The following WWC2 variants were observed in gnomAD, a reference collection of about 807,000 sequenced individuals.
The protein encoded by WWC2 is protein WWC2.
Under a neutral mutation model 138.5 loss-of-function variants are expected in WWC2, and 101 were observed. The ratio of observed to expected loss-of-function variants is 0.73; its 90% CI spans 0.62 to 0.86. The LOEUF is 0.86. Ranked by LOEUF, WWC2 falls within the 40% of genes least tolerant of loss-of-function variation. WWC2 has a pLI of 0.00. For synonymous variants in WWC2, 558 were observed against 538.4 expected (o/e 1.04, Z -0.50); for missense variants, 1,420 against 1,419.4 (o/e 1.00, Z -0.01).
chr4:183,259,622 A>T lies in WWC2; in HGVS notation c.1197-17A>T. ...ATTTTGTTATAATCATTTGAAAATAATTTTTTTTCTTCCTAGATTGAGATT... is the reference window on the plus strand; with the variant it reads ...ATTTTGTTATAATCATTTGAAAATATTTTTTTTTCTTCCTAGATTGAGATT... On this transcript the variant is annotated splice_polypyrimidine_tract_variant and intron_variant, in intron 9 of 22. Transcript: ENST00000403733. 2 of 1,483,572 alleles carry T rather than the reference A, an allele frequency of 1.3e-6. No individual in the cohort carries two copies. The highest frequency in any genetic ancestry group is 1.8e-6 in the Non-Finnish European group (2 of 1,104,934). 91.9% of individuals were successfully genotyped at this position (1,483,572 alleles called of 1,614,324 possible).
At chr4:183,192,715 C>T (rs1028874303) in intron 1 of WWC2, among the ~76,000 whole-genome samples, 1 of 152,146 alleles carries the variant, frequency 6.6e-6, no homozygotes, top group Non-Finnish European at 1.5e-5. Flanking sequence ...AAGAACCATG[C>T]TAGTGGTGCT....
intron 22 of WWC2, 141 bp downstream of exon 22, chr4:183,312,609 C>A: frequency 7.8e-7 from 1 of 1,274,648 alleles, no homozygotes; most frequent in Non-Finnish European, 1.1e-6. Context: ...TATAATTTTC[C>A]ATTTGCACCT....
At chr4:183,283,166 A>G (rs545094569) in intron 18 of WWC2, among the ~76,000 whole-genome samples, 1 of 152,238 alleles carries the variant, frequency 6.6e-6, no homozygotes, top group Non-Finnish European at 1.5e-5. Flanking sequence ...TAAATCTATA[A>G]ATATTCTGTG....
intron 1 of WWC2, among the ~76,000 whole-genome samples, chr4:183,147,334 AC>A (rs1415293347): frequency 6.6e-6 from 1 of 152,216 alleles, no homozygotes; most frequent in East Asian, 1.9e-4. Flanking sequence ...GCCCAAAGCT[AC>A]ACAGCTAGTC....
chr4:183,226,858 G>A (rs1190474975), intron 4 of WWC2, among the ~76,000 whole-genome samples: 1 of 152,034 alleles, frequency 6.6e-6, no homozygotes, highest in Non-Finnish European at 1.5e-5. Flanking sequence ...TGCAAGTCTG[G>A]ATAAGGTAGA....
Position 183,099,639 on chromosome 4 carries a change from G to A in WWC2, c.131+17G>A. 7.6e-7 allele frequency: 1 copy of A among 1,319,638 alleles called. No homozygotes were observed. Among genetic ancestry groups the A allele is most frequent in the South Asian group, 1.9e-5 (1 of 51,282 alleles). The allele number at this position is 1,319,638 out of a possible 1,614,324, so 81.7% of individuals were successfully genotyped here. On this transcript the variant is annotated intron_variant, in intron 1 of 22. Coordinates refer to ENST00000403733, the MANE Select transcript of WWC2 (RefSeq NM_024949.6). ...CCGGGACAGGTGGGCGCCGGCCGCG[G>A]GGGCGCGGGCCCGTTCGGACACGGC...
chr4:183,166,596 G>A (rs943027867), intron 1 of WWC2, among the ~76,000 whole-genome samples: 2 of 152,148 alleles, frequency 1.3e-5, no homozygotes, highest in African/African-American at 4.8e-5. Flanking sequence ...GAGAAGTCTT[G>A]TTTCAGTTGG....
Position 183,296,960 on chromosome 4 carries a change from A to T in WWC2, c.3384+7325A>T, listed in dbSNP as rs1030172923. Reference sequence around the variant, plus strand: ...AAAAAAAAAAAAAAAAAAAAAAAAAAAAAAAAAAATTATTTCTTAATAGAG... The same window carrying T: ...AAAAAAAAAAAAAAAAAAAAAAAAATAAAAAAAAATTATTTCTTAATAGAG... On this transcript the variant is annotated intron_variant, in intron 21 of 22. Coordinates refer to ENST00000403733, the MANE Select transcript of WWC2 (RefSeq NM_024949.6). Among the ~76,000 whole-genome samples the T allele has an allele frequency of 2.1e-5, 3 of 145,048 alleles. No individual in the cohort carries two copies. In the East Asian group the frequency reaches 6.0e-4, roughly 29 times the overall value.
At chr4:183,224,522 T>C (rs1736016008) in intron 4 of WWC2, among the ~76,000 whole-genome samples, 1 of 152,212 alleles carries the variant, frequency 6.6e-6, no homozygotes, top group Non-Finnish European at 1.5e-5. Flanking sequence ...CTGCCAGAGA[T>C]AACCAACAGA....
chr4:183,139,794 A>G (rs1733237629), intron 1 of WWC2, among the ~76,000 whole-genome samples: 1 of 151,934 alleles, frequency 6.6e-6, no homozygotes. Flanking sequence ...TTCTCAGAGC[A>G]GGGAATTGGT....
Position 183,317,875 on chromosome 4 carries a change from T to C in WWC2, c.*2146T>C, listed in dbSNP as rs979368806. 2 of 152,202 alleles carry C rather than the reference T, an allele frequency of 1.3e-5. No homozygotes were observed. Among genetic ancestry groups the C allele is most frequent in the Non-Finnish European group, 2.9e-5 (2 of 68,020 alleles). The allele number at this position is 152,202 out of a possible 1,614,324, so 9.4% of individuals were successfully genotyped here. A position where few individuals can be genotyped will look rare whatever the true frequency, so the allele number is the denominator to read the frequency against. ...GTTGTGACCAAGATGCTTTTGGTTG[T>C]TGTATTTCACAAAATTTCCTCATTT... is the stretch of plus-strand genomic sequence containing the variant. On this transcript the variant is annotated 3_prime_UTR_variant, in exon 23 of 23. Transcript: ENST00000403733.
chr4:183,284,850 A>G (rs1055907372), intron 19 of WWC2, among the ~76,000 whole-genome samples: 4 of 152,244 alleles, frequency 2.6e-5, no homozygotes, highest in African/African-American at 4.8e-5. Flanking sequence ...AATCACATCC[A>G]TAGTTCTGTG....
intron 21 of WWC2, among the ~76,000 whole-genome samples, chr4:183,308,503 T>C (rs1425322494): frequency 2.6e-5 from 4 of 152,174 alleles, no homozygotes; most frequent in African/African-American, 9.6e-5. Flanking sequence ...CAGTGTGGTA[T>C]TGGTGAAAAA....
At chr4:183,213,865 T>C (rs753875872) in intron 4 of WWC2, among the ~76,000 whole-genome samples, 3 of 152,086 alleles carry the variant, frequency 2.0e-5, no homozygotes, top group Non-Finnish European at 2.9e-5. Flanking sequence ...TAGACCATAG[T>C]CACCTTGGGT....
At chr4:183,103,331 C>G (rs199647789) in intron 1 of WWC2, among the ~76,000 whole-genome samples, 1 of 123,800 alleles carries the variant, frequency 8.1e-6, no homozygotes, top group Non-Finnish European at 1.7e-5. Context: ...TCTGTATTGT[C>G]TTTTTTTTTT....
At chr4:183,238,923 A>C (rs1580094070) in intron 4 of WWC2, among the ~76,000 whole-genome samples, 1 of 152,344 alleles carries the variant, frequency 6.6e-6, no homozygotes, top group East Asian at 1.9e-4. Flanking sequence ...CACCAGACAC[A>C]TAGTAGAGAG....
chr4:183,132,422 A>G (rs531749516), intron 1 of WWC2, among the ~76,000 whole-genome samples: 4 of 151,158 alleles, frequency 2.6e-5, no homozygotes, highest in Admixed American at 2.6e-4. Flanking sequence ...TTTTTAATAT[A>G]CGGGTGTTGA....
intron 1 of WWC2, among the ~76,000 whole-genome samples, chr4:183,133,168 T>G (rs79536159): frequency 1.4e-5 from 2 of 144,810 alleles, no homozygotes; most frequent in Non-Finnish European, 3.0e-5. Flanking sequence ...TTTTTTTTTT[T>G]GACCAGGTCT....
rs539115671 is a variant in WWC2 at position 183,265,456 on chromosome 4, C to G, written c.2040-232C>G. ...AATGTCTCAAGGGTGTGGTATATTTCTAGTAATAAGGAAAGTAGTCATCAG... is the reference window on the plus strand; with the variant it reads ...AATGTCTCAAGGGTGTGGTATATTTGTAGTAATAAGGAAAGTAGTCATCAG... On this transcript the variant is annotated intron_variant, in intron 12 of 22. Coordinates refer to ENST00000403733, the MANE Select transcript of WWC2 (RefSeq NM_024949.6). 8.5e-5 allele frequency among the ~76,000 whole-genome samples: 13 copies of G among 152,260 alleles called. No homozygotes were observed. The East Asian group carries it at 1.5e-3, about 18-fold the overall frequency.
Sources: gnomAD v4.1 joint callset for allele counts (sites outside exome capture counted in the v4.1 genomes callset) on GRCh38, gnomAD v4.1.1 for gene constraint, MANE v1.5 for transcripts, NCBI Gene and HGNC (gene_info 2026-07-23, HGNC 2026-07-21) for gene names.